PIGT: variants seen among roughly 807,000 people sequenced by gnomAD.
The protein encoded by PIGT is GPI-anchor transamidase component PIGT.
Under a neutral mutation model 66.7 loss-of-function variants are expected in PIGT, and 57 were observed. The observed-to-expected ratio is 0.86, with a 90% CI of 0.69 to 1.07. The LOEUF is 1.07. PIGT is among the 50% of genes least tolerant of loss of function. PIGT has a pLI of 0.00. For missense variants in PIGT, 725 were observed against 740.4 expected (o/e 0.98, Z 0.24); for synonymous variants, 362 against 320.5 (o/e 1.13, Z -1.38).
intron 9 of PIGT, 84 bp downstream of exon 9, chr20:45,421,667 A>G (rs1990376594): frequency 9.2e-7 from 1 of 1,084,294 alleles, no homozygotes; most frequent in South Asian, 1.4e-5. Flanking sequence ...TTCCCAGGGT[A>G]GTTCCTGAAG....
At chr20:45,424,726 C>T (rs1990603733) in intron 11 of PIGT, 147 bp downstream of exon 11, 2 of 628,510 alleles carry the variant, frequency 3.2e-6, no homozygotes, top group South Asian at 3.7e-5. Context: ...AATAAAAATC[C>T]TGGCAGTCTG....
At chr20:45,425,149 TTCTTTCTTTC>T (rs2145474003) in intron 11 of PIGT, 2 of 40,430 alleles carry the variant, frequency 4.9e-5, no homozygotes, top group South Asian at 1.7e-3. Context: ...TTCTCTTTCT[TTCTTTCTTTC>T]TTTCTTTCTT....
intron 3 of PIGT, 153 bp downstream of exon 3, chr20:45,419,132 C>G (rs913122058): frequency 8.8e-7 from 1 of 1,135,224 alleles, no homozygotes; most frequent in Admixed American, 1.9e-5. Context: ...CTCTGCATGC[C>G]TTTTCCCAAG....
chr20:45,419,893 C>A, intron 5 of PIGT: 1 of 599,658 alleles, frequency 1.7e-6, no homozygotes, highest in East Asian at 2.8e-5. Flanking sequence ...GGTTTCCCAC[C>A]CTGCCACATG....
chr20:45,419,332 G>A lies in PIGT; in HGVS notation c.531G>A (p.Pro177=), dbSNP rs138301099. 1,651 of 1,614,142 alleles carry A rather than the reference G, an allele frequency of 1.0e-3. 1 individual carries two copies. The highest frequency in any genetic ancestry group is 1.1e-3 in the Non-Finnish European group (1,348 of 1,179,986). The change falls in exon 4 of 12, where the codon CCG becomes CCA. Residue 177 remains proline, a synonymous_variant. Transcript: ENST00000279036. The part of the protein sequence containing the change: ...DHYFLRYAVL[P]REVVCTENLT... ...ACTTTCTGCGCTATGCTGTGCTGCC[G>A]CGGGAGGTGGTCTGCACCGAAAACC...
At position 45,424,505 on chromosome 20, in the gene PIGT, C is replaced by T. The variant is rs754996449; in HGVS notation, c.1410C>T (p.Val470=). The change falls in exon 11 of 12, where the codon GTC becomes GTT. Residue 470 remains valine, a synonymous_variant. Coordinates refer to ENST00000279036, the MANE Select transcript of PIGT (RefSeq NM_015937.6). ...CTCTGCTTCTCTGTAGCCCATCTGT[C>T]CTCAGCGCCCTTGTGCCCAGCATGG... ...PNHGFYVSPS[V]LSALVPSMVA... is the part of the protein sequence containing the mutation. The T allele has an allele frequency of 3.7e-6, 6 of 1,614,198 alleles. No homozygotes were observed. Among genetic ancestry groups the T allele is most frequent in the Non-Finnish European group, 4.2e-6 (5 of 1,180,026 alleles).
In PIGT at chr20:45,420,419, C is replaced by T; in HGVS notation, c.857C>T (p.Thr286Ile). Residue 286 changes from threonine (T) to isoleucine (I), a missense_variant, in exon 7 of 12, where the codon ACC becomes ATC. Around this residue, in one of 3 missense-constraint regions of PIGT, gnomAD observed 559 missense variants for 552.7 expected, o/e 1.01. Transcript: ENST00000279036. ...SESRVYVDIT[T>I]YNQDNETLEV... ...AGCCGAGTCTATGTGGACATCACCACCTACAACCAGGTAACAAGGTCTCCA... is the reference window on the plus strand; with the variant it reads ...AGCCGAGTCTATGTGGACATCACCATCTACAACCAGGTAACAAGGTCTCCA... The T allele has an allele frequency of 6.2e-7, 1 of 1,613,372 alleles. No individual in the cohort carries two copies. The highest frequency in any genetic ancestry group is 8.5e-7 in the Non-Finnish European group (1 of 1,179,672).
rs559300787 is a variant in PIGT, at chr20:45,421,158, C to T, written c.1034-225C>T. The T allele has an allele frequency of 3.8e-5, 22 of 574,358 alleles. No individual in the cohort carries two copies. The East Asian group carries it at 4.3e-4, about 11-fold the overall frequency. 35.6% of individuals were successfully genotyped at this position (574,358 alleles called of 1,614,324 possible). A position where few individuals can be genotyped will look rare whatever the true frequency, so the allele number is the denominator to read the frequency against. ...ACCTGGATTGGGTTCGAAGGGGGCA[C>T]GGTGTTCGTCACGTAAGCACTTCAA... is the stretch of plus-strand genomic sequence containing the variant. On this transcript the variant is annotated intron_variant, in intron 8 of 11. Transcript: ENST00000279036.
At chr20:45,419,904 A>C in intron 5 of PIGT, 1 of 599,786 alleles carries the variant, frequency 1.7e-6, no homozygotes, top group Non-Finnish European at 3.0e-6. Context: ...CTGCCACATG[A>C]CATTGATAGT....
chr20:45,416,187 G>A lies in PIGT; in HGVS notation c.31G>A (p.Val11Ile). ...GGCGGCTATGCCGCTTGCTCTGCTCGTCCTGTTGCTCCTGGGGCCCGGCGG... is the reference window on the plus strand; with the variant it reads ...GGCGGCTATGCCGCTTGCTCTGCTCATCCTGTTGCTCCTGGGGCCCGGCGG... MAAAMPLALL[V>I]LLLLGPGGWC... Residue 11 changes from valine to isoleucine, a missense_variant, in exon 1 of 12, where the codon GTC becomes ATC. Transcript: ENST00000279036. 6.3e-7 allele frequency: 1 copy of A among 1,585,634 alleles called. No individual in the cohort carries two copies. Among genetic ancestry groups the A allele is most frequent in the Non-Finnish European group, 8.6e-7 (1 of 1,167,376 alleles).
chr20:45,421,249 A>G, intron 8 of PIGT, 134 bp from the exon 9 acceptor site: 1 of 670,368 alleles, frequency 1.5e-6, no homozygotes, highest in East Asian at 2.8e-5. Context: ...CAGAACCCAG[A>G]TTGCCCAGTT....
At position 45,416,505 on chromosome 20, in the gene PIGT, C is replaced by T. The variant is rs1989983670; in HGVS notation, c.188-12C>T. The T allele has an allele frequency of 8.1e-6, 13 of 1,612,522 alleles. No homozygotes were observed. Among genetic ancestry groups the T allele is most frequent in the East Asian group, 2.2e-5 (1 of 44,880 alleles). ...GGTGGGGATCGTCACTCACCTGCTC[C>T]CGTTTCCCCAGTGTCCCATTACAGG... On this transcript the variant is annotated splice_polypyrimidine_tract_variant and intron_variant, in intron 1 of 11. Transcript: ENST00000279036.
At chr20:45,424,093 T>G (rs746249580) in intron 9 of PIGT, 123 bp from the exon 10 acceptor site, 3 of 809,094 alleles carry the variant, frequency 3.7e-6, no homozygotes, top group African/African-American at 3.4e-5. Context: ...CCTGCCTGGC[T>G]TCTATGCTCC....
chr20:45,423,806 A>C (rs1475656548), intron 9 of PIGT: 1 of 199,420 alleles, frequency 5.0e-6, no homozygotes, highest in Non-Finnish European at 1.0e-5. Context: ...AGTGTTTAAC[A>C]CACCCCTCCT....
At chr20:45,419,258 C>A in intron 3 of PIGT, 37 bp from the exon 4 acceptor site, 1 of 1,557,846 alleles carries the variant, frequency 6.4e-7, no homozygotes, top group South Asian at 1.1e-5. Flanking sequence ...GGGTCAGAGC[C>A]CAAGGCCCAC....
chr20:45,418,498 G>C (rs1168199695), intron 2 of PIGT: 1 of 347,836 alleles, frequency 2.9e-6, no homozygotes. Flanking sequence ...AGAGGAGACT[G>C]TGCTTAAGGA....
rs777895668 is a variant in PIGT, at chr20:45,421,462, G to A, written c.1113G>A (p.Leu371=). Reference sequence around the variant, plus strand: ...TGCAGAAGGGGGAGCTGAGCACACTGCTGTACAACACCCACCCATACCGGG... The same window carrying A: ...TGCAGAAGGGGGAGCTGAGCACACTACTGTACAACACCCACCCATACCGGG... ...YGLQKGELST[L]LYNTHPYRAF... The change falls in exon 9 of 12, where the codon CTG becomes CTA. Residue 371 remains leucine (L), a synonymous_variant. Transcript: ENST00000279036. The A allele has an allele frequency of 3.5e-5, 57 of 1,614,094 alleles. 1 individual carries two copies. In the South Asian group the frequency reaches 6.1e-4, roughly 17 times the overall value.
In PIGT at chr20:45,420,363, C is replaced by G. The variant is rs139713205; in HGVS notation, c.801C>G (p.Thr267=). The change falls in exon 7 of 12, where the codon ACC becomes ACG. Residue 267 remains threonine (T), a synonymous_variant. Transcript: ENST00000279036. ...DWSLFRMFSR[T]LTEPCPLASE... The stretch of plus-strand genomic sequence containing the variant: ...CCCTCTTCCGGATGTTCTCCCGAAC[C>G]CTCACGGAGCCCTGCCCCCTGGCTT... 2 of 1,613,686 alleles carry G rather than the reference C, an allele frequency of 1.2e-6. No individual in the cohort carries two copies. The highest frequency in any genetic ancestry group is 1.7e-6 in the Non-Finnish European group (2 of 1,179,906).
rs1276410421 is a variant in PIGT at position 45,425,831 on chromosome 20, T to C, written c.*5T>C. The C allele has an allele frequency of 1.2e-6, 2 of 1,610,112 alleles. No homozygotes were observed. Among genetic ancestry groups the C allele is most frequent in the Admixed American group, 3.3e-5 (2 of 59,914 alleles). On this transcript the variant is annotated 3_prime_UTR_variant, in exon 12 of 12. Transcript: ENST00000279036. ...CGAGGTGTCCCCCCACTCTGATTCTTGCCCTTTCCAGCAGCTGCAGCTGCC... is the reference window on the plus strand; with the variant it reads ...CGAGGTGTCCCCCCACTCTGATTCTCGCCCTTTCCAGCAGCTGCAGCTGCC...
Sources: allele counts gnomAD v4.1 joint callset, GRCh38; gene constraint gnomAD v4.1.1; regional missense constraint gnomAD v4.1.1; transcripts MANE v1.5; gene names NCBI Gene and HGNC (gene_info 2026-07-23, HGNC 2026-07-21).